Variants in HTT-AS observed in about 807,000 individuals in gnomAD.
The protein encoded by HTT-AS is HTT antisense RNA, also known as HTT antisense RNA (head to head).
chr4:3,049,021 G>A (rs1275706130), downstream of HTT-AS, among the ~76,000 whole-genome samples: 1 of 152,160 alleles, frequency 6.6e-6, no homozygotes, highest in African/African-American at 2.4e-5. Context: ...TATAAGGCTG[G>A]CTGCAAAATC....
downstream of HTT-AS, among the ~76,000 whole-genome samples, chr4:3,048,224 G>T (rs531448759): frequency 6.6e-6 from 1 of 152,308 alleles, no homozygotes; most frequent in African/African-American, 2.4e-5. Context: ...GGACCCTACA[G>T]GCGAGAGTGT....
At chr4:3,060,805 G>T (rs1043183705) in intron 2 of HTT-AS, among the ~76,000 whole-genome samples, 1 of 152,182 alleles carries the variant, frequency 6.6e-6, no homozygotes, top group Non-Finnish European at 1.5e-5. Context: ...AGTGTCCCCC[G>T]AGTAGAGACC....
intron 2 of HTT-AS, among the ~76,000 whole-genome samples, chr4:3,052,357 G>C (rs573726332): frequency 6.6e-5 from 10 of 152,274 alleles, no homozygotes; most frequent in African/African-American, 2.4e-4. Flanking sequence ...AGAGTGCAAT[G>C]GTTAAAAGTC....
rs144680550 is a variant in HTT-AS at position 3,067,080 on chromosome 4, C to T, written n.114-3380G>A. Among the ~76,000 whole-genome samples the T allele has an allele frequency of 5.9e-4, 90 of 152,220 alleles. 2 individuals are homozygous for T. Among genetic ancestry groups the T allele is most frequent in the Middle Eastern group, 6.8e-3 (2 of 294 alleles). On this transcript the variant is annotated intron_variant and non_coding_transcript_variant, in intron 1 of 2. Coordinates refer to ENST00000664062, the Ensembl canonical transcript of HTT-AS. The stretch of plus-strand genomic sequence containing the variant: ...TTAGAGTCAGTATAAATTACGGTCC[C>T]GAAAACTGCAGAATTCCAGAACTTA...
intron 2 of HTT-AS, among the ~76,000 whole-genome samples, chr4:3,059,656 C>T (rs1012435988): frequency 6.6e-6 from 1 of 151,784 alleles, no homozygotes; most frequent in African/African-American, 2.4e-5. Flanking sequence ...GTGGCCTGAT[C>T]CCGGCCCACT....
rs1044291631 is a variant in HTT-AS at position 3,052,456 on chromosome 4, A to C, written n.1381-2758T>G. Among the ~76,000 whole-genome samples, 68 of 151,836 alleles carry C rather than the reference A, an allele frequency of 4.5e-4. 1 individual carries two copies. Among genetic ancestry groups the C allele is most frequent in the African/African-American group, 1.4e-3 (57 of 41,392 alleles). ...GCCAGAGACCCCGTTTTGGGAAAAA[A>C]CTCTGTTTTACTCATGAAACCCCAG... On this transcript the variant is annotated intron_variant and non_coding_transcript_variant, in intron 2 of 2. Transcript: ENST00000664062.
chr4:3,066,557 G>GTCCACTTTGGGT (rs1383122370), intron 1 of HTT-AS, among the ~76,000 whole-genome samples: 1 of 152,024 alleles, frequency 6.6e-6, no homozygotes, highest in Non-Finnish European at 1.5e-5. Flanking sequence ...CCACTTTGGG[G>GTCCACTTTGGGT]TCCACTTTGG....
chr4:3,049,364 C>T (rs1465703985), exon 3 of HTT-AS, among the ~76,000 whole-genome samples: 1 of 151,896 alleles, frequency 6.6e-6, no homozygotes, highest in Non-Finnish European at 1.5e-5. Flanking sequence ...GCAGAGGTTG[C>T]AGTGAGCTGA....
downstream of HTT-AS, among the ~76,000 whole-genome samples, chr4:3,048,882 T>C (rs932370935): frequency 1.3e-5 from 2 of 152,164 alleles, no homozygotes; most frequent in Non-Finnish European, 2.9e-5. Flanking sequence ...CTTTAACCCA[T>C]AGTGTGGGTT....
exon 2 of HTT-AS, among the ~76,000 whole-genome samples, chr4:3,063,252 C>T (rs542952198): frequency 3.9e-5 from 6 of 152,312 alleles, no homozygotes; most frequent in African/African-American, 9.6e-5. Context: ...AGAAAGTCAG[C>T]GTGGCTTGGG....
intron 2 of HTT-AS, among the ~76,000 whole-genome samples, chr4:3,051,030 TTGTGTGTGTGTGTGTGTGTGTG>T (rs59615689): frequency 2.2e-4 from 27 of 122,554 alleles, no homozygotes; most frequent in Admixed American, 1.5e-3. Context: ...CCCTTACAAT[TTGTGTGTGTGTGTGTGTGTGTG>T]TGTGTGTGTG....
chr4:3,058,795 C>T lies in HTT-AS; in HGVS notation n.1380+3639G>A, dbSNP rs544856296. 2.6e-5 allele frequency among the ~76,000 whole-genome samples: 4 copies of T among 151,964 alleles called. No homozygotes were observed. In the South Asian group the frequency reaches 8.3e-4, roughly 32 times the overall value. On this transcript the variant is annotated intron_variant and non_coding_transcript_variant, in intron 2 of 2. Transcript: ENST00000664062. Reference sequence around the variant, plus strand: ...AGTGCTGTGGTATGATCTCGGCTCACTGCAATCTCCACCTCCGAGGTTCCA... The same window carrying T: ...AGTGCTGTGGTATGATCTCGGCTCATTGCAATCTCCACCTCCGAGGTTCCA...
intron 2 of HTT-AS, among the ~76,000 whole-genome samples, chr4:3,055,711 C>T (rs184717002): frequency 6.3e-4 from 96 of 152,306 alleles, no homozygotes; most frequent in East Asian, 1.9e-3. Context: ...ATTGGCTTTA[C>T]GCTCAGCTTC....
At chr4:3,072,086 G>A (rs763754370) in intron 1 of HTT-AS, among the ~76,000 whole-genome samples, 4 of 152,178 alleles carry the variant, frequency 2.6e-5, no homozygotes, top group Non-Finnish European at 5.9e-5. Flanking sequence ...CATATGTATC[G>A]TCACACGTTC....
chr4:3,062,942 G>C (rs1711970079), exon 2 of HTT-AS, among the ~76,000 whole-genome samples: 2 of 152,084 alleles, frequency 1.3e-5, no homozygotes, highest in South Asian at 4.1e-4. Context: ...TCTTGCTCAG[G>C]AAAGACCTAT....
chr4:3,048,603 A>G (rs913714177), downstream of HTT-AS, among the ~76,000 whole-genome samples: 1 of 152,160 alleles, frequency 6.6e-6, no homozygotes, highest in Non-Finnish European at 1.5e-5. Flanking sequence ...AATCTCCCAC[A>G]ACTGAATCTC....
At chr4:3,069,745 G>A (rs1033338367) in intron 1 of HTT-AS, among the ~76,000 whole-genome samples, 1 of 152,172 alleles carries the variant, frequency 6.6e-6, no homozygotes, top group African/African-American at 2.4e-5. Context: ...AGACGGGAAA[G>A]GTTTCTGTCT....
intron 2 of HTT-AS, among the ~76,000 whole-genome samples, chr4:3,060,838 G>A (rs1488908603): frequency 1.3e-5 from 2 of 152,190 alleles, no homozygotes; most frequent in African/African-American, 2.4e-5. Flanking sequence ...AAAAGGTGAG[G>A]GTAGGGTGGG....
intron 1 of HTT-AS, among the ~76,000 whole-genome samples, chr4:3,072,751 C>T (rs1003642675): frequency 5.3e-5 from 8 of 152,156 alleles, no homozygotes; most frequent in Admixed American, 1.3e-4. Flanking sequence ...CCTCAGCCTC[C>T]GGAATAGCTG....
Sources: allele counts gnomAD v4.1 joint callset (sites outside exome capture counted in the v4.1 genomes callset), GRCh38; gene constraint gnomAD v4.1.1; transcripts MANE v1.5; gene names NCBI Gene and HGNC (gene_info 2026-07-23, HGNC 2026-07-21).